CDH18: variants seen among roughly 807,000 people sequenced by gnomAD.
CDH18 encodes the protein cadherin-18.
A neutral mutation model predicts 67.9 loss-of-function variants in CDH18; 31 were observed. That is an observed-to-expected ratio of 0.46 (90% confidence interval 0.34 to 0.62). CDH18 has a LOEUF of 0.62. Ranked by LOEUF, CDH18 falls within the 20% of genes least tolerant of loss-of-function variation. The pLI is 0.01. For missense variants in CDH18, 890 were observed against 975.5 expected (o/e 0.91, Z 1.17); for synonymous variants, 362 against 347.2 (o/e 1.04, Z -0.48).
chr5:20,249,924 T>A (rs1038149077), intron 2 of CDH18, among the ~76,000 whole-genome samples: 1 of 136,692 alleles, frequency 7.3e-6, no homozygotes, highest in Non-Finnish European at 1.7e-5. Flanking sequence ...GCTCCCACAT[T>A]GGTGATTTTT....
chr5:20,133,746 T>C (rs886562173), intron 2 of CDH18, among the ~76,000 whole-genome samples: 5 of 152,140 alleles, frequency 3.3e-5, no homozygotes, highest in Admixed American at 3.3e-4. Context: ...TTATATTTTA[T>C]GTACAATGGT....
chr5:19,476,826 T>C (rs1738548574), intron 12 of CDH18, among the ~76,000 whole-genome samples: 1 of 152,014 alleles, frequency 6.6e-6, no homozygotes, highest in Admixed American at 6.6e-5. Flanking sequence ...GGTATGGAGG[T>C]AATTTGCATC....
At chr5:19,936,581 C>T (rs140291072) in intron 2 of CDH18, among the ~76,000 whole-genome samples, 141 of 150,980 alleles carry the variant, frequency 9.3e-4, no homozygotes, top group African/African-American at 2.5e-3. Context: ...ATAGATACTA[C>T]AAATATGCCA....
chr5:19,896,704 A>G (rs1489440660), intron 2 of CDH18, among the ~76,000 whole-genome samples: 2 of 152,228 alleles, frequency 1.3e-5, no homozygotes, highest in Non-Finnish European at 2.9e-5. Context: ...ACTAATTACT[A>G]TATGTGTGAT....
chr5:20,026,199 T>C (rs554161274), intron 2 of CDH18, among the ~76,000 whole-genome samples: 1 of 152,312 alleles, frequency 6.6e-6, no homozygotes, highest in Non-Finnish European at 1.5e-5. Flanking sequence ...GGAGAAAATA[T>C]TGAAGAAGTT....
intron 5 of CDH18, among the ~76,000 whole-genome samples, chr5:19,699,798 T>G (rs1242238113): frequency 1.3e-5 from 2 of 152,046 alleles, no homozygotes; most frequent in Non-Finnish European, 2.9e-5. Flanking sequence ...CTGTGAGAAA[T>G]GTTTGTTGTT....
intron 4 of CDH18, among the ~76,000 whole-genome samples, chr5:19,740,347 T>C (rs1342000974): frequency 3.9e-5 from 6 of 152,074 alleles, no homozygotes; most frequent in East Asian, 1.9e-4. Flanking sequence ...ATCTGTTATA[T>C]GATCTTTTTG....
chr5:20,125,325 T>C (rs940485459), intron 2 of CDH18, among the ~76,000 whole-genome samples: 1 of 151,808 alleles, frequency 6.6e-6, no homozygotes, highest in African/African-American at 2.4e-5. Flanking sequence ...TGTGGATGAG[T>C]GTGTGTGTGT....
intron 1 of CDH18, among the ~76,000 whole-genome samples, chr5:20,348,229 T>G (rs1405954491): frequency 6.6e-6 from 1 of 152,188 alleles, no homozygotes; most frequent in Non-Finnish European, 1.5e-5. Flanking sequence ...AAAATAAGAT[T>G]TCATAGCATG....
At chr5:19,904,644 G>C (rs373938631) in intron 2 of CDH18, among the ~76,000 whole-genome samples, 1 of 152,140 alleles carries the variant, frequency 6.6e-6, no homozygotes, top group Non-Finnish European at 1.5e-5. Flanking sequence ...CATAAACTTG[G>C]CTAAATGACT....
intron 3 of CDH18, among the ~76,000 whole-genome samples, chr5:19,775,493 G>A (rs892946752): frequency 7.9e-5 from 12 of 151,920 alleles, no homozygotes; most frequent in Non-Finnish European, 1.5e-5. Context: ...GGAAGGTGAG[G>A]CAGGAGCAGA....
chr5:19,541,833 T>A (rs938458199), intron 9 of CDH18, among the ~76,000 whole-genome samples: 2 of 152,148 alleles, frequency 1.3e-5, no homozygotes, highest in African/African-American at 4.8e-5. Flanking sequence ...AACCAAACCA[T>A]ATTAACCCTC....
intron 2 of CDH18, among the ~76,000 whole-genome samples, chr5:20,108,627 A>G (rs1747195581): frequency 6.6e-6 from 1 of 152,006 alleles, no homozygotes; most frequent in African/African-American, 2.4e-5. Context: ...CCGCCTCCCT[A>G]CTAACCACAG....
At chr5:20,057,617 A>T (rs1742108840) in intron 2 of CDH18, among the ~76,000 whole-genome samples, 1 of 152,162 alleles carries the variant, frequency 6.6e-6, no homozygotes, top group South Asian at 2.1e-4. Flanking sequence ...TGCATTTATC[A>T]CACTGAACTA....
At chr5:19,614,876 G>C (rs533805587) in intron 5 of CDH18, among the ~76,000 whole-genome samples, 86 of 152,080 alleles carry the variant, frequency 5.7e-4, no homozygotes, top group Non-Finnish European at 1.0e-3. Flanking sequence ...GGCTGGGCGC[G>C]GCGGCTCAGG....
intron 7 of CDH18, among the ~76,000 whole-genome samples, chr5:19,572,155 A>T (rs1741533875): frequency 6.6e-6 from 1 of 152,180 alleles, no homozygotes; most frequent in African/African-American, 2.4e-5. Flanking sequence ...GCTTTTTCAG[A>T]TAAGAACTAA....
intron 9 of CDH18, among the ~76,000 whole-genome samples, chr5:19,522,381 T>C (rs1264160331): frequency 6.6e-6 from 1 of 152,144 alleles, no homozygotes; most frequent in Non-Finnish European, 1.5e-5. Flanking sequence ...CAGAATACTT[T>C]ACTGAATTTC....
At chr5:19,686,148 T>C (rs868510895) in intron 5 of CDH18, among the ~76,000 whole-genome samples, 41 of 152,114 alleles carry the variant, frequency 2.7e-4, no homozygotes, top group Admixed American at 1.8e-3. Context: ...GCAAAATATA[T>C]ACAAATTCTT....
chr5:19,995,588 G>T (rs1260458716), intron 2 of CDH18, among the ~76,000 whole-genome samples: 1 of 143,726 alleles, frequency 7.0e-6, no homozygotes, highest in Non-Finnish European at 1.5e-5. Context: ...ATCTGATAGA[G>T]CTGTTGCAAG....
Sources: gnomAD v4.1 joint callset for allele counts (sites outside exome capture counted in the v4.1 genomes callset) on GRCh38, gnomAD v4.1.1 for gene constraint, MANE v1.5 for transcripts, NCBI Gene and HGNC (gene_info 2026-07-23, HGNC 2026-07-21) for gene names.